Variants in CIB1 observed in about 807,000 individuals in gnomAD.
The protein encoded by CIB1 is calcium and integrin binding 1, also known as calcium and integrin-binding protein 1.
A neutral mutation model predicts 25.0 loss-of-function variants in CIB1; 19 were observed. That is an observed-to-expected ratio of 0.76 (90% confidence interval 0.53 to 1.12). The LOEUF (loss-of-function observed/expected upper bound fraction) is 1.12. Among genes scored for constraint, CIB1 ranks in the 50% most tolerant of loss-of-function variants. The pLI, the probability that CIB1 is intolerant of heterozygous loss-of-function variation, is 0.00. For synonymous variants in CIB1, 104 were observed against 98.5 expected (o/e 1.06, Z -0.33); for missense variants, 236 against 242.6 (o/e 0.97, Z 0.18).
Position 90,230,357 on chromosome 15 carries a change from G to T in CIB1, c.*127C>A. ...GAGGGCCGCCCCTGCCCGGGGTGAG[G>T]CTGCACAGCGCCAGCTCCAGGCTGG... On this transcript the variant is annotated 3_prime_UTR_variant, in exon 7 of 7. Transcript: ENST00000328649. 2 of 1,094,100 alleles carry T rather than the reference G, an allele frequency of 1.8e-6. No individual in the cohort carries two copies. The highest frequency in any genetic ancestry group is 2.7e-6 in the Non-Finnish European group (2 of 749,448). 67.8% of individuals were successfully genotyped at this position (1,094,100 alleles called of 1,614,324 possible).
the CIB1 span, among the ~76,000 whole-genome samples, chr15:90,246,187 C>A: frequency 4.6e-5 from 7 of 152,132 alleles, no homozygotes; most frequent in African/African-American, 1.4e-4. Context: ...GCGGAAGAAT[C>A]GCTTCAACCC....
the CIB1 span, chr15:90,250,563 G>T: frequency 3.9e-6 from 6 of 1,543,878 alleles, no homozygotes; most frequent in Non-Finnish European, 5.2e-6. Context: ...GCCTTCTAGG[G>T]CCTGAGGGAG....
chr15:90,263,411 T>A, the CIB1 span: 988 of 488,622 alleles, frequency 2.0e-3, 5 homozygotes, highest in African/African-American at 0.017. Flanking sequence ...TATATTCCTG[T>A]CCCAAAATAA....
At chr15:90,258,424 A>AC in the CIB1 span, 1 of 694,206 alleles carries the variant, frequency 1.4e-6, no homozygotes, top group Non-Finnish European at 2.4e-6. Flanking sequence ...TAAGATCTCT[A>AC]CCCTTTTGAC....
the CIB1 span, chr15:90,256,079 A>G: frequency 3.2e-4 from 513 of 1,590,930 alleles, 2 homozygotes; most frequent in African/African-American, 6.3e-3. Context: ...GAAGAGCTCC[A>G]TGCGGCCCCG....
the CIB1 span, chr15:90,259,112 C>T: frequency 7.3e-7 from 1 of 1,372,290 alleles, no homozygotes; most frequent in Non-Finnish European, 9.5e-7. Flanking sequence ...TCTGTAATCC[C>T]AGCACTTTGG....
chr15:90,256,225 C>A, the CIB1 span: 1 of 1,614,198 alleles, frequency 6.2e-7, no homozygotes, highest in Non-Finnish European at 8.5e-7. Context: ...AGGGACGTGG[C>A]ATCTTCATTA....
At chr15:90,265,559 T>C in the CIB1 span, 1 of 1,370,856 alleles carries the variant, frequency 7.3e-7, no homozygotes, top group South Asian at 1.4e-5. Context: ...GGTGGGCCAC[T>C]GAGCAGCGTG....
At chr15:90,256,359 TC>T in the CIB1 span, 3 of 1,602,106 alleles carry the variant, frequency 1.9e-6, no homozygotes, top group Admixed American at 5.1e-5. Context: ...GCCTCATCTC[TC>T]CCAAAAGCCA....
rs757753639 is a variant in CIB1 at position 90,231,453 on chromosome 15, C to T, written c.250G>A (p.Asp84Asn). The T allele has an allele frequency of 1.2e-6, 2 of 1,614,238 alleles. No homozygotes were observed. The highest frequency in any genetic ancestry group is 1.7e-6 in the Non-Finnish European group (2 of 1,180,042). ...AGGAAGTCCTCAAAGCTAAGGCTGT[C>T]TTTGGCTGGGGATGTGGAGAAGACC... Reference protein sequence around the residue: ...CRVFSTSPAKDSLSFEDFLDL... With the variant: ...CRVFSTSPAKNSLSFEDFLDL... The change falls in exon 4 of 7, where the codon GAC (aspartate) becomes AAC (asparagine). Residue 84 changes from aspartate to asparagine, a missense_variant. By Grantham distance (23) the Asp-to-Asn change is conservative. Coordinates refer to ENST00000328649, the MANE Select transcript of CIB1 (RefSeq NM_006384.4).
chr15:90,247,029 G>T, the CIB1 span, among the ~76,000 whole-genome samples: 1 of 150,802 alleles, frequency 6.6e-6, no homozygotes, highest in Non-Finnish European at 1.5e-5. Context: ...AGGCTGGAGT[G>T]CAGTGGCACG....
At chr15:90,240,686 G>A in the CIB1 span, among the ~76,000 whole-genome samples, 1 of 151,812 alleles carries the variant, frequency 6.6e-6, no homozygotes, top group Non-Finnish European at 1.5e-5. Flanking sequence ...GGTGGTGCCT[G>A]CCTGTAACCC....
At chr15:90,263,096 G>A in the CIB1 span, 73 of 1,535,978 alleles carry the variant, frequency 4.8e-5, no homozygotes, top group Non-Finnish European at 5.8e-5. Context: ...CAGCTCACCC[G>A]TCTGCAGCAC....
rs1962488513 is a variant in CIB1, at chr15:90,231,439, A to C, written c.264T>G (p.Phe88Leu). ...STSPAKDSLS[F>L]EDFLDLLSVF... ...CACTGAGGAGATCCAGGAAGTCCTC[A>C]AAGCTAAGGCTGTCTTTGGCTGGGG... Residue 88 changes from phenylalanine to leucine, a missense_variant, in exon 4 of 7, where the codon TTT (phenylalanine) becomes TTG (leucine). Transcript: ENST00000328649. 6.2e-7 allele frequency: 1 copy of C among 1,614,238 alleles called. No individual in the cohort carries two copies. The highest frequency in any genetic ancestry group is 8.5e-7 in the Non-Finnish European group (1 of 1,180,034).
the CIB1 span, among the ~76,000 whole-genome samples, chr15:90,252,821 G>A: frequency 1.3e-5 from 2 of 152,076 alleles, no homozygotes; most frequent in African/African-American, 4.8e-5. Context: ...TGGCCAACAT[G>A]GTAAAACCCC....
the CIB1 span, among the ~76,000 whole-genome samples, chr15:90,252,264 T>C: frequency 4.9e-4 from 75 of 152,238 alleles, no homozygotes; most frequent in Middle Eastern, 3.4e-3. Context: ...CTTGAACTCC[T>C]GACCTCAGGT....
the CIB1 span, chr15:90,255,908 G>A: frequency 1.4e-5 from 22 of 1,613,918 alleles, no homozygotes; most frequent in Non-Finnish European, 1.9e-5. Flanking sequence ...GGCTTCCCAT[G>A]CTGAGATACC....
chr15:90,264,731 A>T, the CIB1 span: 4 of 1,536,058 alleles, frequency 2.6e-6, no homozygotes, highest in South Asian at 3.6e-5. Flanking sequence ...AGGACAAGCC[A>T]GCAGAAGGCT....
rs373164203 is a variant in CIB1, at chr15:90,233,903, A to T, written c.-18T>A. The T allele has an allele frequency of 2.7e-5, 40 of 1,458,092 alleles. No homozygotes were observed. In the African/African-American group the frequency reaches 5.6e-4, roughly 21 times the overall value. The allele number at this position is 1,458,092 out of a possible 1,614,324, so 90.3% of individuals were successfully genotyped here. On this transcript the variant is annotated 5_prime_UTR_variant, in exon 1 of 7. Coordinates refer to ENST00000328649, the MANE Select transcript of CIB1 (RefSeq NM_006384.4). ...CCCCCCATCGCCCCGCCGCGCGCACAGCTCCGCCAACTCGCCTCGAGACGC... is the reference window on the plus strand; with the variant it reads ...CCCCCCATCGCCCCGCCGCGCGCACTGCTCCGCCAACTCGCCTCGAGACGC...
Sources: gnomAD v4.1 joint callset for allele counts (sites outside exome capture counted in the v4.1 genomes callset) on GRCh38, gnomAD v4.1.1 for gene constraint, MANE v1.5 for transcripts, NCBI Gene and HGNC (gene_info 2026-07-23, HGNC 2026-07-21) for gene names.